OR10H5: variants seen among roughly 807,000 people sequenced by gnomAD.
OR10H5 encodes olfactory receptor 10H5.
In OR10H5, 7 loss-of-function variants were observed where a neutral mutation model predicts 12.2. That is an observed-to-expected ratio of 0.57 (90% CI 0.33 to 1.07). OR10H5 has a LOEUF of 1.07. Among genes scored for constraint, OR10H5 ranks in the 50% least tolerant of loss-of-function variants. The pLI, the probability that OR10H5 is intolerant of heterozygous loss-of-function variation, is 0.04. For synonymous variants in OR10H5, 159 were observed against 175.1 expected (o/e 0.91, Z 0.73); for missense variants, 346 against 411.6 (o/e 0.84, Z 1.38).
At chr19:15,790,924 A>G (rs994501599) in intron 1 of OR10H5, among the ~76,000 whole-genome samples, 15 of 152,184 alleles carry the variant, frequency 9.9e-5, no homozygotes, top group Admixed American at 7.9e-4. Flanking sequence ...GTCCCAGGTA[A>G]GTATTCGAAA....
At chr19:15,793,061 C>T (rs1243842426) in intron 1 of OR10H5, among the ~76,000 whole-genome samples, 1 of 152,084 alleles carries the variant, frequency 6.6e-6, no homozygotes, top group Non-Finnish European at 1.5e-5. Flanking sequence ...CGGGCCAAGA[C>T]TTGTGCAAAG....
At chr19:15,789,940 C>A (rs1470453898) in intron 1 of OR10H5, among the ~76,000 whole-genome samples, 1 of 151,962 alleles carries the variant, frequency 6.6e-6, no homozygotes, top group African/African-American at 2.4e-5. Context: ...CATCACCACG[C>A]CTGGCTAATT....
chr19:15,791,441 T>TACACACACACAC (rs35542150), intron 1 of OR10H5, among the ~76,000 whole-genome samples: 7 of 147,442 alleles, frequency 4.7e-5, no homozygotes, highest in Admixed American at 1.4e-4. Flanking sequence ...ATAGATACCA[T>TACACACACACAC]ACACACACAC....
Position 15,794,188 on chromosome 19 carries a change from C to T in OR10H5, c.140C>T (p.Ala47Val). ...FTLLGNLLIM[A>V]TVWSERSLHM... ...CTGCTGGGCAACCTGCTCATCATGG[C>T]CACTGTCTGGAGCGAGCGCAGCCTC... The change falls in exon 2 of 2, where the codon GCC (alanine) becomes GTC (valine). Residue 47 changes from alanine (A) to valine (V), a missense_variant. Ala to Val is a moderately conservative substitution (Grantham distance 64). Coordinates refer to ENST00000642092, the MANE Select transcript of OR10H5 (RefSeq NM_001004466.2). 1 of 1,614,174 alleles carries T rather than the reference C, an allele frequency of 6.2e-7. No homozygotes were observed. The highest frequency in any genetic ancestry group is 8.5e-7 in the Non-Finnish European group (1 of 1,180,022).
At chr19:15,789,447 C>T (rs1233466945) in intron 1 of OR10H5, among the ~76,000 whole-genome samples, 18 of 152,196 alleles carry the variant, frequency 1.2e-4, no homozygotes, top group African/African-American at 3.9e-4. Flanking sequence ...GTCTGGGAGC[C>T]TGCGTGTGTG....
In OR10H5 at chr19:15,796,195, G is replaced by T. The variant is rs1179461154; in HGVS notation, c.*1199G>T. Reference sequence around the variant, plus strand: ...TTCTTTAAATTAGAGCTGGGGATAAGAAGTACACATTTCTCAGGGCCTGTG... The same window carrying T: ...TTCTTTAAATTAGAGCTGGGGATAATAAGTACACATTTCTCAGGGCCTGTG... On this transcript the variant is annotated 3_prime_UTR_variant, in exon 2 of 2. Transcript: ENST00000642092. 1 of 152,242 alleles carries T rather than the reference G, an allele frequency of 6.6e-6. No homozygotes were observed. Among genetic ancestry groups the T allele is most frequent in the Non-Finnish European group, 1.5e-5 (1 of 68,064 alleles). The allele number at this position is 152,242 out of a possible 1,614,324, so 9.4% of individuals were successfully genotyped here.
chr19:15,791,375 C>A (rs902801904), intron 1 of OR10H5, among the ~76,000 whole-genome samples: 3 of 151,466 alleles, frequency 2.0e-5, no homozygotes, highest in Non-Finnish European at 2.9e-5. Context: ...TAAGTAAATA[C>A]AAATAAAATT....
In OR10H5 at chr19:15,794,538, T is replaced by C. The variant is rs1219036741; in HGVS notation, c.490T>C (p.Phe164Leu). 6.2e-7 allele frequency: 1 copy of C among 1,614,238 alleles called. No homozygotes were observed. Among genetic ancestry groups the C allele is most frequent in the Non-Finnish European group, 8.5e-7 (1 of 1,180,038 alleles). ...VMGMVVTSAI[F>L]HLAFCGHKEI... is the part of the protein sequence containing the mutation. ...GGGGATGGTGGTGACCTCGGCCATT[T>C]TCCACCTCGCCTTCTGTGGACACAA... The change falls in exon 2 of 2, where the codon TTC becomes CTC. Residue 164 changes from phenylalanine to leucine, a missense_variant. Transcript: ENST00000642092.
intron 1 of OR10H5, among the ~76,000 whole-genome samples, chr19:15,790,354 C>A (rs965224130): frequency 6.6e-6 from 1 of 152,216 alleles, no homozygotes; most frequent in Admixed American, 6.5e-5. Flanking sequence ...ATGATCACGA[C>A]AACGTCAGCT....
Position 15,797,813 on chromosome 19 carries a change from C to A in OR10H5, c.*2817C>A, listed in dbSNP as rs1179449135. The A allele has an allele frequency of 1.3e-5, 2 of 151,846 alleles. No homozygotes were observed. The highest frequency in any genetic ancestry group is 4.8e-5 in the African/African-American group (2 of 41,352). 9.4% of individuals were successfully genotyped at this position (151,846 alleles called of 1,614,324 possible). On this transcript the variant is annotated 3_prime_UTR_variant, in exon 2 of 2. Coordinates refer to ENST00000642092, the MANE Select transcript of OR10H5 (RefSeq NM_001004466.2). ...CTGTAATCCCAGCACTTTGGGAAGC[C>A]GAGGCAGGTGGATCATTTGAAGTCA...
rs1350008315 is a variant in OR10H5 at position 15,800,272 on chromosome 19, C to G, written c.*5276C>G. ...AGACATTGAGATCGGGATGTCTTAT[C>G]TAATTGGTTCAACCCTGTCTTCCCA... is the stretch of plus-strand genomic sequence containing the variant. On this transcript the variant is annotated 3_prime_UTR_variant, in exon 2 of 2. Coordinates refer to ENST00000642092, the MANE Select transcript of OR10H5 (RefSeq NM_001004466.2). The G allele has an allele frequency of 6.6e-6, 1 of 152,138 alleles. No homozygotes were observed. The highest frequency in any genetic ancestry group is 1.5e-5 in the Non-Finnish European group (1 of 68,040). 9.4% of individuals were successfully genotyped at this position (152,138 alleles called of 1,614,324 possible).
intron 1 of OR10H5, among the ~76,000 whole-genome samples, chr19:15,792,440 T>C (rs1371988478): frequency 6.6e-6 from 1 of 152,174 alleles, no homozygotes; most frequent in African/African-American, 2.4e-5. Flanking sequence ...TGACCATCCA[T>C]GCCGGCCCTC....
chr19:15,797,500 C>G lies in OR10H5; in HGVS notation c.*2504C>G, dbSNP rs2088845849. On this transcript the variant is annotated 3_prime_UTR_variant, in exon 2 of 2. Transcript: ENST00000642092. The stretch of plus-strand genomic sequence containing the variant: ...AGCCAGCTTGCTGTAGTTTGGTTGA[C>G]CAATGTCCATGCATTCTGAAATTAA... 1 of 152,172 alleles carries G rather than the reference C, an allele frequency of 6.6e-6. No homozygotes were observed. The allele number at this position is 152,172 out of a possible 1,614,324, so 9.4% of individuals were successfully genotyped here.
In OR10H5 at chr19:15,797,696, T is replaced by G. The variant is rs2088847433; in HGVS notation, c.*2700T>G. On this transcript the variant is annotated 3_prime_UTR_variant, in exon 2 of 2. Coordinates refer to ENST00000642092, the MANE Select transcript of OR10H5 (RefSeq NM_001004466.2). Reference sequence around the variant, plus strand: ...CACCTCACCTCCTTTAAACATTATTTAAAATGTTGACATTTTGTTCACCGT... The same window carrying G: ...CACCTCACCTCCTTTAAACATTATTGAAAATGTTGACATTTTGTTCACCGT... The G allele has an allele frequency of 6.6e-6, 1 of 152,106 alleles. No homozygotes were observed. Among genetic ancestry groups the G allele is most frequent in the African/African-American group, 2.4e-5 (1 of 41,412 alleles). 9.4% of individuals were successfully genotyped at this position (152,106 alleles called of 1,614,324 possible). A position where few individuals can be genotyped will look rare whatever the true frequency, so the allele number is the denominator to read the frequency against.
In OR10H5 at chr19:15,799,558, T is replaced by C. The variant is rs1363613003; in HGVS notation, c.*4562T>C. ...CACAGCCACATCTGTGTTTTCTCTGTGTTAGTATCTCACACACAATTCCAC... is the reference window on the plus strand; with the variant it reads ...CACAGCCACATCTGTGTTTTCTCTGCGTTAGTATCTCACACACAATTCCAC... On this transcript the variant is annotated 3_prime_UTR_variant, in exon 2 of 2. Transcript: ENST00000642092. The C allele has an allele frequency of 6.6e-6, 1 of 152,160 alleles. No individual in the cohort carries two copies. Among genetic ancestry groups the C allele is most frequent in the African/African-American group, 2.4e-5 (1 of 41,426 alleles). The allele number at this position is 152,160 out of a possible 1,614,324, so 9.4% of individuals were successfully genotyped here. A position where few individuals can be genotyped will look rare whatever the true frequency, so the allele number is the denominator to read the frequency against.
intron 1 of OR10H5, among the ~76,000 whole-genome samples, chr19:15,790,503 A>G (rs111381657): frequency 1.3e-5 from 2 of 152,240 alleles, no homozygotes; most frequent in African/African-American, 4.8e-5. Flanking sequence ...CGGCCTGGAT[A>G]TGTCTTAGAG....
In OR10H5 at chr19:15,794,949, G is replaced by A. The variant is rs773950886; in HGVS notation, c.901G>A (p.Ala301Thr). ...CCTCAGGAACAAGGAGCTGAAGGTCGCCATGAAGAAGACTTGCTTCACCAA... is the reference window on the plus strand; with the variant it reads ...CCTCAGGAACAAGGAGCTGAAGGTCACCATGAAGAAGACTTGCTTCACCAA... ...FSLRNKELKV[A>T]MKKTCFTKLF... The change falls in exon 2 of 2, where the codon GCC (alanine) becomes ACC (threonine). Residue 301 changes from alanine (A) to threonine (T), a missense_variant. Physicochemically the swap from Ala to Thr is moderately conservative, Grantham distance 58. Coordinates refer to ENST00000642092, the MANE Select transcript of OR10H5 (RefSeq NM_001004466.2). 8.1e-6 allele frequency: 13 copies of A among 1,614,012 alleles called. No individual in the cohort carries two copies. The highest frequency in any genetic ancestry group is 1.3e-5 in the African/African-American group (1 of 74,928).
intron 1 of OR10H5, among the ~76,000 whole-genome samples, chr19:15,789,673 C>T (rs1050537615): frequency 1.3e-5 from 2 of 152,134 alleles, no homozygotes; most frequent in East Asian, 1.9e-4. Context: ...AGTTGGAGAG[C>T]CCCCTTGGAG....
At position 15,798,494 on chromosome 19, in the gene OR10H5, G is replaced by A. The variant is rs1409932080; in HGVS notation, c.*3498G>A. 6.6e-6 allele frequency: 1 copy of A among 152,140 alleles called. No individual in the cohort carries two copies. Among genetic ancestry groups the A allele is most frequent in the African/African-American group, 2.4e-5 (1 of 41,414 alleles). The allele number at this position is 152,140 out of a possible 1,614,324, so 9.4% of individuals were successfully genotyped here. A position where few individuals can be genotyped will look rare whatever the true frequency, so the allele number is the denominator to read the frequency against. On this transcript the variant is annotated 3_prime_UTR_variant, in exon 2 of 2. Transcript: ENST00000642092. ...ACCAGAGCCCAGAGAGGTGATTAAG[G>A]GGCAGGAGATCCCAGGCTTCAGGGA...
Sources: gnomAD v4.1 joint callset for allele counts (sites outside exome capture counted in the v4.1 genomes callset) on GRCh38, gnomAD v4.1.1 for gene constraint, MANE v1.5 for transcripts, NCBI Gene and HGNC (gene_info 2026-07-23, HGNC 2026-07-21) for gene names.